Variants in UBN2 observed in about 807,000 individuals in gnomAD.
UBN2 encodes ubinuclein-2.
A neutral mutation model predicts 120.2 loss-of-function variants in UBN2; 35 were observed. That is an observed-to-expected ratio of 0.29 (90% CI 0.22 to 0.39). The LOEUF is 0.39. Ranked by LOEUF, UBN2 falls within the 10% of genes least tolerant of loss-of-function variation. UBN2 has a pLI of 1.00. For synonymous variants in UBN2, 661 were observed against 648.7 expected, an observed-to-expected ratio of 1.02 and a Z score of -0.29; for missense variants, 1,693 against 1,663.2, an observed-to-expected ratio of 1.02 and a Z score of -0.31.
At chr7:139,275,819 T>G (rs1797427288) in intron 11 of UBN2, among the ~76,000 whole-genome samples, 1 of 150,122 alleles carries the variant, frequency 6.7e-6, no homozygotes. Flanking sequence ...GCAAAAAGTT[T>G]TAAAAATTAG....
At chr7:139,292,248 G>A (rs1201923445) in intron 15 of UBN2, among the ~76,000 whole-genome samples, 2 of 152,006 alleles carry the variant, frequency 1.3e-5, no homozygotes, top group East Asian at 1.9e-4. Flanking sequence ...AGGAGACCCT[G>A]TCTCAAAAAA....
At chr7:139,252,994 C>T (rs2130962404) in intron 3 of UBN2, among the ~76,000 whole-genome samples, 1 of 151,780 alleles carries the variant, frequency 6.6e-6, no homozygotes, top group Middle Eastern at 3.4e-3. Flanking sequence ...CAATAAAGTA[C>T]AAGGTGGTTA....
At chr7:139,292,736 G>A (rs547955953) in intron 15 of UBN2, among the ~76,000 whole-genome samples, 1 of 152,226 alleles carries the variant, frequency 6.6e-6, no homozygotes, top group Admixed American at 6.5e-5. Flanking sequence ...GAGAATTCAT[G>A]GTGTAAGTCA....
intron 3 of UBN2, among the ~76,000 whole-genome samples, chr7:139,252,969 C>A (rs1415003175): frequency 6.6e-6 from 1 of 151,632 alleles, no homozygotes; most frequent in African/African-American, 2.4e-5. Flanking sequence ...TTAACATATG[C>A]TTATGGTAAA....
At chr7:139,325,424 C>T in the UBN2 span, among the ~76,000 whole-genome samples, 33 of 151,938 alleles carry the variant, frequency 2.2e-4, 1 homozygote, top group Admixed American at 8.5e-4. Flanking sequence ...CCCACTACCA[C>T]GCTCAGCTAA....
chr7:139,272,906 C>T (rs1797332474), intron 9 of UBN2, among the ~76,000 whole-genome samples: 1 of 152,172 alleles, frequency 6.6e-6, no homozygotes, highest in Non-Finnish European at 1.5e-5. Flanking sequence ...ATACTGCTGA[C>T]TTGATATAAT....
In UBN2 at chr7:139,297,807, G is replaced by A. The variant is rs749129035; in HGVS notation, c.4015G>A (p.Asp1339Asn). The change falls in exon 18 of 18, where the codon GAC becomes AAC. Residue 1339 changes from aspartate (D) to asparagine (N), a missense_variant. Asp to Asn is a conservative substitution (Grantham distance 23). This residue lies in a region of UBN2 where 837 missense variants were observed against 817.6 expected (regional missense o/e 1.02). Transcript: ENST00000473989. ...AFHDGGQSKG[D>N]TKLPRKSQ The stretch of plus-strand genomic sequence containing the variant: ...CTCAGATGGAGGCCAAAGTAAAGGG[G>A]ACACTAAATTACCACGGAAATCTCA... 1 of 1,614,094 alleles carries A rather than the reference G, an allele frequency of 6.2e-7. No individual in the cohort carries two copies. The highest frequency in any genetic ancestry group is 8.5e-7 in the Non-Finnish European group (1 of 1,179,998).
intron 3 of UBN2, among the ~76,000 whole-genome samples, chr7:139,256,444 T>G (rs1333338896): frequency 6.6e-6 from 1 of 152,232 alleles, no homozygotes; most frequent in Non-Finnish European, 1.5e-5. Flanking sequence ...AGGCAGCCAC[T>G]GACTTTGCCA....
chr7:139,291,102 T>G (rs1002624162), intron 15 of UBN2, among the ~76,000 whole-genome samples: 1 of 152,188 alleles, frequency 6.6e-6, no homozygotes, highest in African/African-American at 2.4e-5. Flanking sequence ...GGCTCACGCA[T>G]GTAATCCCAG....
At chr7:139,313,849 A>AT in the UBN2 span, among the ~76,000 whole-genome samples, 457 of 143,514 alleles carry the variant, frequency 3.2e-3, no homozygotes, top group Middle Eastern at 0.011. Context: ...CAATGACAGA[A>AT]TTTTTTTTTT....
Position 139,283,489 on chromosome 7 carries a change from A to T in UBN2, c.2584A>T (p.Ile862Phe). The T allele has an allele frequency of 6.2e-7, 1 of 1,614,106 alleles. No homozygotes were observed. Among genetic ancestry groups the T allele is most frequent in the South Asian group, 1.1e-5 (1 of 91,082 alleles). Residue 862 changes from isoleucine (I) to phenylalanine (F), a missense_variant, in exon 15 of 18, where the codon ATT becomes TTT. Around this residue, in one of 5 missense-constraint regions of UBN2, gnomAD observed 837 missense variants for 817.6 expected, o/e 1.02. Coordinates refer to ENST00000473989, the MANE Select transcript of UBN2 (RefSeq NM_173569.4). ...ISSGLIAGSS[I>F]QNPKVSLEPL... ...TTCAGGCCTTATTGCTGGTTCTTCC[A>T]TTCAGAACCCTAAAGTTTCTTTAGA...
At chr7:139,290,151 G>A (rs1296447518) in intron 15 of UBN2, among the ~76,000 whole-genome samples, 2 of 151,996 alleles carry the variant, frequency 1.3e-5, no homozygotes, top group African/African-American at 4.8e-5. Flanking sequence ...GGTCAGGCTG[G>A]TTTCGAATTC....
chr7:139,239,390 G>GTAAAT (rs946809448), intron 2 of UBN2, among the ~76,000 whole-genome samples: 1 of 151,884 alleles, frequency 6.6e-6, no homozygotes, highest in African/African-American at 2.4e-5. Context: ...TAGTGCTGCA[G>GTAAAT]TAAATTAGTC....
At chr7:139,314,514 C>G in the UBN2 span, among the ~76,000 whole-genome samples, 5 of 152,046 alleles carry the variant, frequency 3.3e-5, no homozygotes, top group Non-Finnish European at 7.4e-5. Context: ...TAGACGGAGT[C>G]TTGCTGTGTC....
At chr7:139,267,067 T>C (rs930349874) in intron 7 of UBN2, among the ~76,000 whole-genome samples, 2 of 152,376 alleles carry the variant, frequency 1.3e-5, no homozygotes, top group Non-Finnish European at 1.5e-5. Context: ...ACTGAACTTA[T>C]AAACCTTGTC....
intron 6 of UBN2, among the ~76,000 whole-genome samples, chr7:139,263,353 A>G (rs1049767559): frequency 7.2e-5 from 11 of 152,136 alleles, no homozygotes; most frequent in Non-Finnish European, 1.5e-4. Flanking sequence ...TTATAGCCCT[A>G]CCCTCAAGGA....
chr7:139,272,122 A>G (rs1307962710), intron 8 of UBN2, among the ~76,000 whole-genome samples, 200 bp from the exon 9 acceptor site: 2 of 152,114 alleles, frequency 1.3e-5, no homozygotes, highest in African/African-American at 4.8e-5. Flanking sequence ...TTCTTGGCTA[A>G]CTGGAATATG....
chr7:139,278,264 G>A (rs768658588), intron 12 of UBN2, among the ~76,000 whole-genome samples: 14 of 146,580 alleles, frequency 9.6e-5, no homozygotes, highest in Non-Finnish European at 1.3e-4. Flanking sequence ...TCGCTGCAAC[G>A]TCCATCTCCC....
intron 1 of UBN2, among the ~76,000 whole-genome samples, chr7:139,232,279 G>C (rs2130918447): frequency 6.6e-6 from 1 of 152,338 alleles, no homozygotes; most frequent in Non-Finnish European, 1.5e-5. Flanking sequence ...CAAAATCCTG[G>C]GGCCCTGCAG....
Sources: gnomAD v4.1 joint callset for allele counts (sites outside exome capture counted in the v4.1 genomes callset) on GRCh38, gnomAD v4.1.1 for gene constraint, gnomAD v4.1.1 regional missense constraint, MANE v1.5 for transcripts, NCBI Gene and HGNC (gene_info 2026-07-23, HGNC 2026-07-21) for gene names.